EPHA3: variants seen among roughly 807,000 people sequenced by gnomAD.
The protein encoded by EPHA3 is ephrin type-A receptor 3.
Under a neutral mutation model 107.1 loss-of-function variants are expected in EPHA3, and 42 were observed. That is an observed-to-expected ratio of 0.39 (90% CI 0.31 to 0.51). The LOEUF (loss-of-function observed/expected upper bound fraction) is 0.51. Ranked by LOEUF, EPHA3 falls within the 20% of genes least tolerant of loss-of-function variation. The pLI, the probability that EPHA3 is intolerant of heterozygous loss-of-function variation, is 0.78. For synonymous variants in EPHA3, 461 were observed against 424.8 expected (o/e 1.09, Z -1.05); for missense variants, 1,183 against 1,211.2 (o/e 0.98, Z 0.35).
intron 3 of EPHA3, among the ~76,000 whole-genome samples, chr3:89,240,686 G>T (rs993685122): frequency 2.0e-5 from 3 of 151,566 alleles, no homozygotes; most frequent in Non-Finnish European, 2.9e-5. Flanking sequence ...AAAACCATTC[G>T]CATTCTAGTT....
intron 2 of EPHA3, among the ~76,000 whole-genome samples, chr3:89,167,988 C>T (rs150599500): frequency 2.5e-3 from 373 of 152,086 alleles, no homozygotes; most frequent in African/African-American, 8.6e-3. Context: ...TTATGATTAG[C>T]ATTTTATTTG....
chr3:89,150,268 G>A (rs936778467), intron 2 of EPHA3, among the ~76,000 whole-genome samples: 1 of 151,936 alleles, frequency 6.6e-6, no homozygotes, highest in African/African-American at 2.4e-5. Context: ...GGTATATTTT[G>A]TCAGATGAAC....
In EPHA3 at chr3:89,196,433, T is replaced by C. The variant is rs111936308; in HGVS notation, c.154-13427T>C. Among the ~76,000 whole-genome samples, 7 of 111,958 alleles carry C rather than the reference T, an allele frequency of 6.3e-5. 1 individual carries two copies. Among genetic ancestry groups the C allele is most frequent in the Admixed American group, 2.4e-4 (3 of 12,256 alleles). 73.4% of individuals were successfully genotyped at this position (111,958 alleles called of 152,430 possible). The stretch of plus-strand genomic sequence containing the variant: ...CTCCCTGAGGAGAGATTTCAAGTCA[T>C]AGATTTCAAGTCATCATTTTCACTG... On this transcript the variant is annotated intron_variant, in intron 2 of 16. Coordinates refer to ENST00000336596, the MANE Select transcript of EPHA3 (RefSeq NM_005233.6).
rs1576339228 is a variant in EPHA3 at position 89,367,232 on chromosome 3, G to A, written c.1306+25142G>A. ...TTGCATAAACTCGCTACAGGTTCAT[G>A]CCTTTTAAAATCTATTTATATACAC... On this transcript the variant is annotated intron_variant, in intron 5 of 16. Coordinates refer to ENST00000336596, the MANE Select transcript of EPHA3 (RefSeq NM_005233.6). Among the ~76,000 whole-genome samples the A allele has an allele frequency of 5.3e-5, 8 of 150,796 alleles. 3 individuals carry two copies. The Admixed American group carries it at 5.3e-4, about 10-fold the overall frequency.
At position 89,373,412 on chromosome 3, in the gene EPHA3, G is replaced by T. The variant is rs185538044; in HGVS notation, c.1307-22425G>T. On this transcript the variant is annotated intron_variant, in intron 5 of 16. Coordinates refer to ENST00000336596, the MANE Select transcript of EPHA3 (RefSeq NM_005233.6). ...TATAGATAACTTTGCATATATTTCT[G>T]CATCATTTTCCAACATCCATCTTAC... Among the ~76,000 whole-genome samples, 67 of 151,890 alleles carry T rather than the reference G, an allele frequency of 4.4e-4. 1 individual carries two copies. In the East Asian group the frequency reaches 0.012, roughly 26 times the overall value.
chr3:89,171,202 AC>A (rs966054012), intron 2 of EPHA3, among the ~76,000 whole-genome samples: 2 of 152,162 alleles, frequency 1.3e-5, no homozygotes, highest in Non-Finnish European at 2.9e-5. Context: ...AGCAGGCTTA[AC>A]TACCTCTGTG....
intron 3 of EPHA3, among the ~76,000 whole-genome samples, chr3:89,225,084 T>A (rs192795811): frequency 6.6e-6 from 1 of 152,216 alleles, no homozygotes; most frequent in East Asian, 1.9e-4. Flanking sequence ...TCAAGTTATT[T>A]ACAAGTGAAA....
At chr3:89,455,041 G>A (rs970929770) in intron 15 of EPHA3, among the ~76,000 whole-genome samples, 2 of 152,046 alleles carry the variant, frequency 1.3e-5, no homozygotes, top group Admixed American at 6.6e-5. Context: ...GAAAAGTCTT[G>A]CTTCTCCAAT....
chr3:89,191,841 T>C (rs1214345097), intron 2 of EPHA3, among the ~76,000 whole-genome samples: 1 of 152,190 alleles, frequency 6.6e-6, no homozygotes, highest in Admixed American at 6.5e-5. Flanking sequence ...AACATTTTTC[T>C]TTATCAGCTT....
intron 5 of EPHA3, among the ~76,000 whole-genome samples, chr3:89,370,077 A>C (rs1389794454): frequency 6.6e-6 from 1 of 150,758 alleles, no homozygotes; most frequent in Non-Finnish European, 1.5e-5. Context: ...AACTAGTTCA[A>C]CCATTGTGGA....
chr3:89,233,616 A>C (rs1364017847), intron 3 of EPHA3, among the ~76,000 whole-genome samples: 3 of 152,186 alleles, frequency 2.0e-5, no homozygotes, highest in East Asian at 3.9e-4. Context: ...GGGGAGAGTG[A>C]AAATTATATC....
intron 3 of EPHA3, among the ~76,000 whole-genome samples, chr3:89,326,467 A>C (rs1707168369): frequency 6.6e-6 from 1 of 151,978 alleles, no homozygotes; most frequent in Non-Finnish European, 1.5e-5. Flanking sequence ...TGACTCACTG[A>C]AGCCTTGAGT....
At position 89,117,358 on chromosome 3, in the gene EPHA3, A is replaced by G. The variant is rs376002960; in HGVS notation, c.88+9522A>G. ...ATCTACCTCAGACTGACTAAGGGGA[A>G]CACAGAGCAGCTTGTTAGCAGTTAA... On this transcript the variant is annotated intron_variant, in intron 1 of 16. Transcript: ENST00000336596. Among the ~76,000 whole-genome samples, 18 of 152,242 alleles carry G rather than the reference A, an allele frequency of 1.2e-4. No homozygotes were observed. In the East Asian group the frequency reaches 2.5e-3, roughly 21 times the overall value.
intron 2 of EPHA3, among the ~76,000 whole-genome samples, chr3:89,173,059 T>A (rs771834703): frequency 3.9e-5 from 6 of 152,112 alleles, no homozygotes; most frequent in Non-Finnish European, 8.8e-5. Context: ...TAAATATGTT[T>A]CATATGTACA....
intron 3 of EPHA3, among the ~76,000 whole-genome samples, chr3:89,266,099 C>A (rs1047807146): frequency 2.6e-5 from 4 of 152,002 alleles, no homozygotes; most frequent in African/African-American, 7.2e-5. Flanking sequence ...TCCAGAGAGA[C>A]GCAATCCTAC....
At chr3:89,261,462 A>G (rs758611012) in intron 3 of EPHA3, among the ~76,000 whole-genome samples, 1 of 151,956 alleles carries the variant, frequency 6.6e-6, no homozygotes, top group Non-Finnish European at 1.5e-5. Flanking sequence ...CTTGCTTAGA[A>G]CTTGTTATTT....
At chr3:89,469,841 G>A (rs950779697) in intron 15 of EPHA3, among the ~76,000 whole-genome samples, 6 of 151,964 alleles carry the variant, frequency 3.9e-5, no homozygotes, top group African/African-American at 9.7e-5. Flanking sequence ...AATGCATGTC[G>A]ATATATTATT....
chr3:89,350,592 C>T (rs1414018375), intron 5 of EPHA3, among the ~76,000 whole-genome samples: 3 of 150,156 alleles, frequency 2.0e-5, no homozygotes, highest in Admixed American at 6.7e-5. Context: ...GTAATTTGAT[C>T]GTCTGAAGCC....
At chr3:89,274,496 T>C (rs1345279153) in intron 3 of EPHA3, among the ~76,000 whole-genome samples, 1 of 151,974 alleles carries the variant, frequency 6.6e-6, no homozygotes, top group Non-Finnish European at 1.5e-5. Flanking sequence ...TGTCTAATGA[T>C]CTGTGTTAAA....
Sources: gnomAD v4.1 joint callset for allele counts (sites outside exome capture counted in the v4.1 genomes callset) on GRCh38, gnomAD v4.1.1 for gene constraint, MANE v1.5 for transcripts, NCBI Gene and HGNC (gene_info 2026-07-23, HGNC 2026-07-21) for gene names.